GALNT13: variants seen among roughly 807,000 people sequenced by gnomAD.
GALNT13 encodes UDP-GalNAc:polypeptide N-acetylgalactosaminyltransferase 13.
GALNT13 carries 28 observed loss-of-function variants against 64.2 expected under a neutral mutation model. The observed-to-expected ratio is 0.44, with a 90% CI of 0.32 to 0.60. The LOEUF is 0.60. Among genes scored for constraint, GALNT13 ranks in the 20% least tolerant of loss-of-function variants. GALNT13 has a pLI of 0.05. For missense variants in GALNT13, 577 were observed against 669.8 expected, an observed-to-expected ratio of 0.86 and a Z score of 1.53; for synonymous variants, 214 against 224.6, an observed-to-expected ratio of 0.95 and a Z score of 0.42.
the GALNT13 span, among the ~76,000 whole-genome samples, chr2:153,393,475 C>A: frequency 2.8e-3 from 421 of 151,868 alleles, 15 homozygotes; most frequent in East Asian, 0.074. Flanking sequence ...TTAAAGAATT[C>A]TTTTTTTTCC....
At chr2:154,270,777 T>C (rs1691311001) in intron 8 of GALNT13, among the ~76,000 whole-genome samples, 1 of 151,876 alleles carries the variant, frequency 6.6e-6, no homozygotes, top group Non-Finnish European at 1.5e-5. Context: ...GCAGTTGATA[T>C]GTTAGACCAT....
chr2:153,535,574 G>A, the GALNT13 span, among the ~76,000 whole-genome samples: 4 of 152,134 alleles, frequency 2.6e-5, no homozygotes, highest in African/African-American at 9.7e-5. Context: ...AATGAGACTG[G>A]GGCCTAATAA....
the GALNT13 span, among the ~76,000 whole-genome samples, chr2:153,280,760 T>C: frequency 6.6e-6 from 1 of 152,196 alleles, no homozygotes; most frequent in South Asian, 2.1e-4. Context: ...TTTGAAGTTA[T>C]TGAGGCTTGC....
the GALNT13 span, among the ~76,000 whole-genome samples, chr2:153,772,809 T>C: frequency 6.6e-6 from 1 of 152,204 alleles, no homozygotes; most frequent in East Asian, 1.9e-4. Context: ...GCCTTGCCTA[T>C]TTAGTCTAGC....
chr2:153,630,798 TATA>T, the GALNT13 span, among the ~76,000 whole-genome samples: 2 of 13,490 alleles, frequency 1.5e-4, no homozygotes, highest in East Asian at 2.6e-3. Context: ...TATATATATA[TATA>T]TATATATTTT....
the GALNT13 span, among the ~76,000 whole-genome samples, chr2:153,614,757 G>A: frequency 1.3e-5 from 2 of 151,982 alleles, no homozygotes; most frequent in Non-Finnish European, 2.9e-5. Context: ...ATTATTGTGG[G>A]TACATAGTAG....
intron 3 of GALNT13, among the ~76,000 whole-genome samples, chr2:154,083,236 A>G (rs1380057838): frequency 6.6e-6 from 1 of 151,946 alleles, no homozygotes; most frequent in East Asian, 1.9e-4. Context: ...GTGTAGCATT[A>G]TTTCTGAGGC....
the GALNT13 span, among the ~76,000 whole-genome samples, chr2:153,508,720 A>T: frequency 6.6e-6 from 1 of 152,174 alleles, no homozygotes; most frequent in Non-Finnish European, 1.5e-5. Context: ...CAGTTCCTTC[A>T]AAGGGTTTAT....
intron 4 of GALNT13, among the ~76,000 whole-genome samples, chr2:154,150,831 T>G (rs1239428440): frequency 1.3e-5 from 2 of 152,192 alleles, no homozygotes. Context: ...TTCTTCTTTA[T>G]TAGTCTTGCT....
At chr2:153,812,699 CCT>C in the GALNT13 span, among the ~76,000 whole-genome samples, 3 of 152,102 alleles carry the variant, frequency 2.0e-5, no homozygotes, top group Non-Finnish European at 2.9e-5. Context: ...AATATTTTCC[CCT>C]CTTTCCTTTG....
chr2:153,881,275 G>C (rs1686766011), intron 1 of GALNT13, among the ~76,000 whole-genome samples: 1 of 152,024 alleles, frequency 6.6e-6, no homozygotes, highest in Non-Finnish European at 1.5e-5. Context: ...ACCAATATAT[G>C]GTTCATTATT....
the GALNT13 span, among the ~76,000 whole-genome samples, chr2:153,723,860 G>A: frequency 3.3e-3 from 500 of 150,914 alleles, 6 homozygotes; most frequent in African/African-American, 0.012. Context: ...AATCAATATC[G>A]TGAAAATGGC....
At chr2:153,704,457 CATAACT>C in the GALNT13 span, among the ~76,000 whole-genome samples, 19 of 152,196 alleles carry the variant, frequency 1.2e-4, no homozygotes, top group Admixed American at 1.2e-3. Flanking sequence ...AAGTGAGTGA[CATAACT>C]ATAATTTTCT....
At chr2:154,347,106 C>T (rs1218558280) in intron 9 of GALNT13, among the ~76,000 whole-genome samples, 2 of 152,094 alleles carry the variant, frequency 1.3e-5, no homozygotes, top group African/African-American at 4.8e-5. Flanking sequence ...CATTGGGCCT[C>T]ACCACCAGCA....
chr2:153,809,959 T>C, the GALNT13 span, among the ~76,000 whole-genome samples: 2 of 151,908 alleles, frequency 1.3e-5, no homozygotes, highest in Non-Finnish European at 2.9e-5. Flanking sequence ...TCTTTGTTTT[T>C]TGTTTTGTTT....
chr2:154,333,086 A>G (rs1695252793), intron 9 of GALNT13, among the ~76,000 whole-genome samples: 1 of 151,976 alleles, frequency 6.6e-6, no homozygotes, highest in Admixed American at 6.6e-5. Context: ...TGATGAGCCT[A>G]CCTTCCCCCC....
the GALNT13 span, among the ~76,000 whole-genome samples, chr2:153,566,522 T>G: frequency 6.6e-6 from 1 of 152,002 alleles, no homozygotes; most frequent in African/African-American, 2.4e-5. Context: ...GCCCGGCTAA[T>G]TTTTTCTATT....
At chr2:154,259,399 T>A (rs1485900758) in intron 8 of GALNT13, among the ~76,000 whole-genome samples, 1 of 152,248 alleles carries the variant, frequency 6.6e-6, no homozygotes. Flanking sequence ...TTTCAATTGC[T>A]GAAATAAAGA....
intron 4 of GALNT13, among the ~76,000 whole-genome samples, chr2:154,175,806 G>C (rs191820679): frequency 6.6e-6 from 1 of 152,198 alleles, no homozygotes; most frequent in East Asian, 1.9e-4. Flanking sequence ...AAGCATACAT[G>C]ATAATCCCAG....
Sources: allele counts gnomAD v4.1 joint callset (sites outside exome capture counted in the v4.1 genomes callset), GRCh38; gene constraint gnomAD v4.1.1; transcripts MANE v1.5; gene names NCBI Gene and HGNC (gene_info 2026-07-23, HGNC 2026-07-21).